The following DEPTOR variants were observed in gnomAD, a reference collection of about 807,000 sequenced individuals.
DEPTOR encodes DEP domain-containing mTOR-interacting protein.
Under a neutral mutation model 41.6 loss-of-function variants are expected in DEPTOR, and 41 were observed. The ratio of observed to expected loss-of-function variants is 0.98; its 90% CI spans 0.77 to 1.28. The LOEUF (loss-of-function observed/expected upper bound fraction) is 1.28, where lower values mean the gene tolerates loss of function less well. DEPTOR is among the 50% of genes most tolerant of loss of function. The pLI, the probability that DEPTOR is intolerant of heterozygous loss-of-function variation, is 0.00. For synonymous variants in DEPTOR, 195 were observed against 192.3 expected (o/e 1.01, Z -0.12); for missense variants, 514 against 527.9 (o/e 0.97, Z 0.26).
At chr8:119,926,666 G>C (rs986625062) in intron 1 of DEPTOR, among the ~76,000 whole-genome samples, 2 of 152,134 alleles carry the variant, frequency 1.3e-5, no homozygotes, top group Admixed American at 1.3e-4. Context: ...CATCTTATGA[G>C]AATGTTTTCT....
At chr8:119,898,969 C>CCCAT (rs1827554349) in intron 1 of DEPTOR, among the ~76,000 whole-genome samples, 1 of 152,240 alleles carries the variant, frequency 6.6e-6, no homozygotes, top group Admixed American at 6.5e-5. Context: ...GTGCCAAAAC[C>CCCAT]CCATATTCCT....
intron 1 of DEPTOR, among the ~76,000 whole-genome samples, chr8:119,915,321 C>G (rs1827797849): frequency 6.6e-6 from 1 of 152,160 alleles, no homozygotes; most frequent in Non-Finnish European, 1.5e-5. Flanking sequence ...TATATTTTGT[C>G]TTTGTCTAAA....
intron 3 of DEPTOR, 59 bp downstream of exon 3, chr8:119,929,997 G>A (rs1386365775): frequency 1.9e-6 from 3 of 1,552,694 alleles, no homozygotes; most frequent in East Asian, 2.3e-5. Flanking sequence ...GCAGAACTGT[G>A]CCAGTCTCAT....
intron 4 of DEPTOR, among the ~76,000 whole-genome samples, chr8:120,001,154 G>A (rs1441749427): frequency 6.6e-6 from 1 of 151,992 alleles, no homozygotes; most frequent in African/African-American, 2.4e-5. Flanking sequence ...AGTAAGTGAA[G>A]CCATGATCAC....
chr8:119,944,719 A>C lies in DEPTOR; in HGVS notation c.425+14781A>C, dbSNP rs1457333597. ...CACCAGGCTGGAGTGCAATGGCACA[A>C]TCTTGGCTTACTGCAACCTCCGCCT... On this transcript the variant is annotated intron_variant, in intron 3 of 8. Transcript: ENST00000286234. 3.3e-5 allele frequency among the ~76,000 whole-genome samples: 5 copies of C among 151,170 alleles called. No homozygotes were observed. In the East Asian group the frequency reaches 9.7e-4, roughly 29 times the overall value.
At chr8:119,942,384 T>G (rs1828214742) in intron 3 of DEPTOR, among the ~76,000 whole-genome samples, 1 of 152,198 alleles carries the variant, frequency 6.6e-6, no homozygotes, top group Non-Finnish European at 1.5e-5. Context: ...TTTTGTATTT[T>G]TAGTAGAGAC....
intron 1 of DEPTOR, among the ~76,000 whole-genome samples, chr8:119,916,920 G>A (rs1401252369): frequency 6.6e-6 from 1 of 152,138 alleles, no homozygotes; most frequent in Non-Finnish European, 1.5e-5. Flanking sequence ...GGCGTGTGCC[G>A]CCACACGTAG....
chr8:120,005,069 A>T (rs1220886250), intron 6 of DEPTOR, among the ~76,000 whole-genome samples: 1 of 152,186 alleles, frequency 6.6e-6, no homozygotes, highest in Non-Finnish European at 1.5e-5. Context: ...TATATTTTTC[A>T]ACATAATAAA....
chr8:119,996,933 T>C (rs2130067858), intron 4 of DEPTOR, among the ~76,000 whole-genome samples: 1 of 152,266 alleles, frequency 6.6e-6, no homozygotes, highest in East Asian at 1.9e-4. Flanking sequence ...AAAATTTTAT[T>C]ATAGCATTAC....
intron 1 of DEPTOR, among the ~76,000 whole-genome samples, chr8:119,904,964 G>A (rs889050500): frequency 1.0e-5 from 1 of 98,900 alleles, no homozygotes; most frequent in Admixed American, 1.2e-4. Context: ...GCTAATTTTT[G>A]CTTTTTTTTT....
intron 3 of DEPTOR, among the ~76,000 whole-genome samples, chr8:119,962,343 T>G (rs935247183): frequency 5.3e-5 from 8 of 152,290 alleles, no homozygotes; most frequent in African/African-American, 1.9e-4. Context: ...TTGACCTGTC[T>G]TTAATCTGAT....
intron 8 of DEPTOR, among the ~76,000 whole-genome samples, chr8:120,016,306 CTT>C (rs978195505): frequency 6.7e-6 from 1 of 148,760 alleles, no homozygotes. Flanking sequence ...TTTTTTTTTC[CTT>C]TTTTTTTGAG....
At chr8:119,920,415 A>G (rs1026734923) in intron 1 of DEPTOR, among the ~76,000 whole-genome samples, 5 of 152,188 alleles carry the variant, frequency 3.3e-5, no homozygotes, top group African/African-American at 4.8e-5. Context: ...TTGTGGGACA[A>G]TAGAGGAGAG....
At chr8:119,980,952 G>C (rs1165073055) in intron 4 of DEPTOR, among the ~76,000 whole-genome samples, 1 of 152,116 alleles carries the variant, frequency 6.6e-6, no homozygotes, top group African/African-American at 2.4e-5. Context: ...AACAACAAAT[G>C]TTCTCCCTTC....
At chr8:120,049,552 T>C (rs773528455) in intron 8 of DEPTOR, 24 bp from the exon 9 acceptor site, 1 of 1,610,834 alleles carries the variant, frequency 6.2e-7, no homozygotes, top group Non-Finnish European at 8.5e-7. Flanking sequence ...TAATAGATGC[T>C]CTTTCTTTGC....
chr8:119,879,408 A>G (rs1454885040), intron 1 of DEPTOR, among the ~76,000 whole-genome samples: 2 of 152,188 alleles, frequency 1.3e-5, no homozygotes, highest in Non-Finnish European at 2.9e-5. Flanking sequence ...TAGCAGTACT[A>G]TTCATAATAA....
chr8:119,921,978 T>C (rs2129825135), intron 1 of DEPTOR, among the ~76,000 whole-genome samples: 1 of 152,102 alleles, frequency 6.6e-6, no homozygotes, highest in Non-Finnish European at 1.5e-5. Flanking sequence ...AGCTCAGGCC[T>C]GTAATTCCCA....
intron 7 of DEPTOR, 102 bp downstream of exon 7, chr8:120,006,977 C>T (rs1812449038): frequency 6.9e-6 from 8 of 1,151,474 alleles, no homozygotes; most frequent in Non-Finnish European, 8.8e-6. Context: ...AACTACTTTT[C>T]TAATTTTCTT....
intron 1 of DEPTOR, among the ~76,000 whole-genome samples, chr8:119,923,893 C>CTTTTCTTTTTTTTT (rs1554673843): frequency 2.9e-5 from 3 of 104,980 alleles, no homozygotes; most frequent in African/African-American, 9.1e-5. Context: ...TTTTTTCTTT[C>CTTTTCTTTTTTTTT]TTTTTTTTTT....
Sources: gnomAD v4.1 joint callset for allele counts (sites outside exome capture counted in the v4.1 genomes callset) on GRCh38, gnomAD v4.1.1 for gene constraint, MANE v1.5 for transcripts, NCBI Gene and HGNC (gene_info 2026-07-23, HGNC 2026-07-21) for gene names.